Variants in ADAMTSL1 observed in about 807,000 individuals in gnomAD.
The protein encoded by ADAMTSL1 is ADAMTS like 1, also known as ADAMTS-like protein 1.
A neutral mutation model predicts 201.8 loss-of-function variants in ADAMTSL1; 126 were observed. The ratio of observed to expected loss-of-function variants is 0.62; its 90% CI spans 0.54 to 0.72. The LOEUF (loss-of-function observed/expected upper bound fraction) is 0.72, where lower values mean the gene tolerates loss of function less well. ADAMTSL1 is among the 30% of genes least tolerant of loss of function. The pLI is 0.00. For synonymous variants in ADAMTSL1, 1,121 were observed against 903.4 expected, an observed-to-expected ratio of 1.24 and a Z score of -4.32; for missense variants, 2,679 against 2,277.8, an observed-to-expected ratio of 1.18 and a Z score of -3.59.
intron 17 of ADAMTSL1, among the ~76,000 whole-genome samples, chr9:18,771,295 A>G (rs1164294164): frequency 6.6e-6 from 1 of 152,220 alleles, no homozygotes; most frequent in Non-Finnish European, 1.5e-5. Flanking sequence ...AAAATACTTC[A>G]ACTGCTTCCT....
intron 1 of ADAMTSL1, among the ~76,000 whole-genome samples, chr9:18,068,214 G>A (rs935490941): frequency 6.6e-6 from 1 of 152,068 alleles, no homozygotes; most frequent in Non-Finnish European, 1.5e-5. Flanking sequence ...CAGTGAGAGT[G>A]TAAGTGCAGT....
Position 18,889,682 on chromosome 9 carries a change from A to C in ADAMTSL1, c.4577A>C (p.His1526Pro). ...LLNSTEVNPAHCAGKVRPAVQ... is the reference protein window; with the variant it reads ...LLNSTEVNPAPCAGKVRPAVQ... Reference sequence around the variant, plus strand: ...AACAGCACGGAGGTCAACCCTGCCCACTGCGCAGGGAAGGTTCGCCCTGCG... The same window carrying C: ...AACAGCACGGAGGTCAACCCTGCCCCCTGCGCAGGGAAGGTTCGCCCTGCG... Residue 1526 changes from histidine to proline, a missense_variant, in exon 25 of 29, where the codon CAC (histidine) becomes CCC (proline). Physicochemically the swap from His to Pro is moderately conservative, Grantham distance 77. Transcript: ENST00000380548. 6.3e-7 allele frequency: 1 copy of C among 1,598,750 alleles called. No individual in the cohort carries two copies. Among genetic ancestry groups the C allele is most frequent in the Non-Finnish European group, 8.5e-7 (1 of 1,172,428 alleles).
At chr9:18,313,837 T>A (rs10117176) in intron 2 of ADAMTSL1, among the ~76,000 whole-genome samples, 76,679 of 151,784 alleles carry the variant, frequency 0.51, 19,814 homozygotes, top group Admixed American at 0.62. Flanking sequence ...AAATGGTAGG[T>A]TTACATTAAA....
chr9:18,906,609 T>A lies in ADAMTSL1; in HGVS notation c.4962-83T>A, dbSNP rs368191819. 8 of 1,158,950 alleles carry A rather than the reference T, an allele frequency of 6.9e-6. No homozygotes were observed. In the African/African-American group the frequency reaches 1.1e-4, roughly 16 times the overall value. 71.8% of individuals were successfully genotyped at this position (1,158,950 alleles called of 1,614,324 possible). A position where few individuals can be genotyped will look rare whatever the true frequency, so the allele number is the denominator to read the frequency against. On this transcript the variant is annotated intron_variant, in intron 27 of 28. Transcript: ENST00000380548. ...TTCTTGAGGAACCACCTAACATTTCTGAGTTTGCAGCACTATTTTCACATC... is the reference window on the plus strand; with the variant it reads ...TTCTTGAGGAACCACCTAACATTTCAGAGTTTGCAGCACTATTTTCACATC...
chr9:18,652,738 T>A (rs955247849), intron 7 of ADAMTSL1, among the ~76,000 whole-genome samples: 1 of 152,172 alleles, frequency 6.6e-6, no homozygotes, highest in African/African-American at 2.4e-5. Flanking sequence ...CTTACAATAT[T>A]TTCAACTTAA....
At chr9:18,221,809 A>G (rs893942727) in intron 2 of ADAMTSL1, among the ~76,000 whole-genome samples, 6 of 151,826 alleles carry the variant, frequency 4.0e-5, no homozygotes, top group Non-Finnish European at 7.4e-5. Flanking sequence ...ATGTTATTTT[A>G]TTGGGGTTGG....
chr9:18,732,080 G>A (rs1234883701), intron 15 of ADAMTSL1, among the ~76,000 whole-genome samples: 3 of 152,288 alleles, frequency 2.0e-5, no homozygotes, highest in East Asian at 1.9e-4. Context: ...AAGGATGATC[G>A]CATATGTAAA....
At chr9:18,305,810 G>A (rs1049095751) in intron 2 of ADAMTSL1, among the ~76,000 whole-genome samples, 1 of 152,162 alleles carries the variant, frequency 6.6e-6, no homozygotes, top group African/African-American at 2.4e-5. Flanking sequence ...CCTGCCTGTT[G>A]GCCTTGAAGA....
intron 26 of ADAMTSL1, among the ~76,000 whole-genome samples, chr9:18,898,176 G>T (rs143057655): frequency 3.3e-5 from 5 of 152,286 alleles, no homozygotes; most frequent in Admixed American, 6.5e-5. Context: ...GTGACAGAGC[G>T]AGACTCCGTC....
chr9:18,064,748 T>G lies in ADAMTSL1; in HGVS notation c.88-99114T>G, dbSNP rs371206260. On this transcript the variant is annotated intron_variant, in intron 1 of 29. Coordinates refer to the ADAMTSL1 transcript ENST00000680146. ...TTGTTTGTGCCCTTTAATTTGTAAA[T>G]TATATCCTTTTTGGGAGGGTTATAT... 1.6e-3 allele frequency among the ~76,000 whole-genome samples: 244 copies of G among 152,128 alleles called. 7 individuals are homozygous for G. The South Asian group carries it at 0.05, about 31-fold the overall frequency.
chr9:18,310,193 G>T (rs936110632), intron 2 of ADAMTSL1, among the ~76,000 whole-genome samples: 1 of 151,454 alleles, frequency 6.6e-6, no homozygotes, highest in Non-Finnish European at 1.5e-5. Context: ...AACTCAAGAT[G>T]GTATAAACAC....
intron 1 of ADAMTSL1, among the ~76,000 whole-genome samples, chr9:17,957,327 G>T (rs1453320805): frequency 6.6e-6 from 1 of 152,156 alleles, no homozygotes; most frequent in East Asian, 1.9e-4. Context: ...GACTGCTGCT[G>T]TTGCTTCTTC....
At chr9:18,640,510 T>A (rs1162347438) in intron 7 of ADAMTSL1, among the ~76,000 whole-genome samples, 1 of 152,080 alleles carries the variant, frequency 6.6e-6, no homozygotes, top group Non-Finnish European at 1.5e-5. Flanking sequence ...GCAATATTGC[T>A]TACATTGGAA....
Position 18,906,758 on chromosome 9 carries a change from C to T in ADAMTSL1, c.5028C>T (p.Thr1676=). The T allele has an allele frequency of 6.2e-7, 1 of 1,613,864 alleles. No individual in the cohort carries two copies. The highest frequency in any genetic ancestry group is 8.5e-7 in the Non-Finnish European group (1 of 1,179,834). ...CSVHWRVSLW[T]LCTATCGNYG... ...TACACTGGAGAGTCAGCCTGTGGAC[C>T]CTGTGCACAGCTACCTGTGGCAACT... The change falls in exon 28 of 29, where the codon ACC becomes ACT. Residue 1676 remains threonine (T), a synonymous_variant. Coordinates refer to ENST00000380548, the MANE Select transcript of ADAMTSL1 (RefSeq NM_001040272.6).
At chr9:18,845,385 A>G (rs553767309) in intron 23 of ADAMTSL1, among the ~76,000 whole-genome samples, 2 of 152,370 alleles carry the variant, frequency 1.3e-5, no homozygotes, top group South Asian at 2.1e-4. Flanking sequence ...AAGACTTTCC[A>G]TGAAAGAATT....
At chr9:18,469,276 A>G (rs544416909), upstream of ADAMTSL1, among the ~76,000 whole-genome samples, 2 of 152,306 alleles carry the variant, frequency 1.3e-5, no homozygotes, top group East Asian at 3.9e-4. Flanking sequence ...GTGGTTATGA[A>G]CACAGATTGC....
chr9:18,204,206 C>T (rs1829557504), intron 2 of ADAMTSL1, among the ~76,000 whole-genome samples: 2 of 152,076 alleles, frequency 1.3e-5, no homozygotes, highest in Non-Finnish European at 2.9e-5. Flanking sequence ...GAATTATAAT[C>T]CCCATGTGTT....
At chr9:18,253,835 C>T (rs1831564192) in intron 2 of ADAMTSL1, among the ~76,000 whole-genome samples, 2 of 152,250 alleles carry the variant, frequency 1.3e-5, no homozygotes, top group Middle Eastern at 6.8e-3. Context: ...ACACACACTA[C>T]TAAAGCTGTA....
intron 2 of ADAMTSL1, among the ~76,000 whole-genome samples, chr9:18,507,578 A>AT (rs1163535906): frequency 1.3e-5 from 2 of 152,140 alleles, no homozygotes; most frequent in African/African-American, 4.8e-5. Context: ...TTTTATGGCA[A>AT]TTACACACTT....
Sources: allele counts gnomAD v4.1 joint callset (sites outside exome capture counted in the v4.1 genomes callset), GRCh38; gene constraint gnomAD v4.1.1; transcripts MANE v1.5; gene names NCBI Gene and HGNC (gene_info 2026-07-23, HGNC 2026-07-21).